RNF169: variants seen among roughly 807,000 people sequenced by gnomAD.
RNF169 encodes the protein E3 ubiquitin-protein ligase RNF169.
A neutral mutation model predicts 53.9 loss-of-function variants in RNF169; 24 were observed. The ratio of observed to expected loss-of-function variants is 0.45; its 90% CI spans 0.32 to 0.63. RNF169 has a LOEUF of 0.63. Ranked by LOEUF, RNF169 falls within the 20% of genes least tolerant of loss-of-function variation. The probability of loss-of-function intolerance (pLI) is 0.04; values close to 1 mark genes in which losing one functional copy is unlikely to be tolerated. For synonymous variants in RNF169, 396 were observed against 363.5 expected (o/e 1.09, Z -1.02); for missense variants, 883 against 906.2 (o/e 0.97, Z 0.33).
At chr11:74,790,930 G>A (rs2035569903) in intron 2 of RNF169, among the ~76,000 whole-genome samples, 1 of 152,216 alleles carries the variant, frequency 6.6e-6, no homozygotes, top group African/African-American at 2.4e-5. Flanking sequence ...CCACAACATG[G>A]TGAGTGAGGG....
At chr11:74,803,545 G>A (rs2035763592) in intron 2 of RNF169, among the ~76,000 whole-genome samples, 1 of 152,154 alleles carries the variant, frequency 6.6e-6, no homozygotes. Flanking sequence ...AGTACTAACA[G>A]GGAATATACA....
intron 5 of RNF169, 31 bp downstream of exon 5, chr11:74,834,806 G>T: frequency 6.6e-7 from 1 of 1,506,330 alleles, no homozygotes; most frequent in Non-Finnish European, 9.2e-7. Flanking sequence ...TCCGGGGCTT[G>T]TGAGGCTTGC....
chr11:74,786,632 C>T (rs1439282062), intron 1 of RNF169, among the ~76,000 whole-genome samples: 1 of 152,166 alleles, frequency 6.6e-6, no homozygotes, highest in African/African-American at 2.4e-5. Context: ...AGAATGCTGT[C>T]CCACCAGTAC....
At chr11:74,824,430 A>C (rs534362742) in intron 4 of RNF169, among the ~76,000 whole-genome samples, 1 of 152,332 alleles carries the variant, frequency 6.6e-6, no homozygotes, top group East Asian at 1.9e-4. Context: ...ATGAGAGAGA[A>C]AGGGGCAGAA....
At chr11:74,810,022 A>G (rs1402376066) in intron 2 of RNF169, among the ~76,000 whole-genome samples, 162 bp from the exon 3 acceptor site, 1 of 152,262 alleles carries the variant, frequency 6.6e-6, no homozygotes, top group African/African-American at 2.4e-5. Flanking sequence ...GAGCCAAGTA[A>G]AAGTAGATTT....
At chr11:74,820,773 C>T (rs1174045140) in intron 4 of RNF169, among the ~76,000 whole-genome samples, 4 of 152,130 alleles carry the variant, frequency 2.6e-5, no homozygotes, top group East Asian at 1.9e-4. Flanking sequence ...GTGGTAGAAG[C>T]GTCAGTAATA....
At chr11:74,801,705 G>A (rs1232764328) in intron 2 of RNF169, among the ~76,000 whole-genome samples, 1 of 152,186 alleles carries the variant, frequency 6.6e-6, no homozygotes, top group Non-Finnish European at 1.5e-5. Context: ...CCGGCTACTC[G>A]GGAGGCTGAT....
At chr11:74,789,897 T>G (rs2035556301) in intron 2 of RNF169, among the ~76,000 whole-genome samples, 198 bp downstream of exon 2, 1 of 152,206 alleles carries the variant, frequency 6.6e-6, no homozygotes, top group Non-Finnish European at 1.5e-5. Flanking sequence ...CCCTTTTTAG[T>G]TGTCTTTTCA....
chr11:74,757,045 G>A (rs1353152200), intron 1 of RNF169, among the ~76,000 whole-genome samples: 2 of 147,590 alleles, frequency 1.4e-5, no homozygotes, highest in Non-Finnish European at 3.0e-5. Context: ...TGTGCACATT[G>A]TGCAGGTTAG....
At chr11:74,823,588 T>G (rs1464065349) in intron 4 of RNF169, among the ~76,000 whole-genome samples, 1 of 151,722 alleles carries the variant, frequency 6.6e-6, no homozygotes, top group African/African-American at 2.4e-5. Flanking sequence ...ATTTTAAAAA[T>G]CAGCCGAGCA....
chr11:74,759,924 T>A (rs2035052370), intron 1 of RNF169, among the ~76,000 whole-genome samples: 2 of 151,220 alleles, frequency 1.3e-5, no homozygotes, highest in African/African-American at 4.9e-5. Flanking sequence ...AATTCGGCTG[T>A]GAATCCATCT....
At chr11:74,795,840 G>T (rs1213535171) in intron 2 of RNF169, among the ~76,000 whole-genome samples, 1 of 152,154 alleles carries the variant, frequency 6.6e-6, no homozygotes. Flanking sequence ...CTGGGTGACA[G>T]AGTAAGACTC....
intron 1 of RNF169, among the ~76,000 whole-genome samples, chr11:74,771,426 C>T (rs952256809): frequency 3.3e-5 from 5 of 152,238 alleles, no homozygotes; most frequent in Admixed American, 1.3e-4. Context: ...ATTAACTGGT[C>T]GCTATTATGG....
chr11:74,800,484 C>A (rs1000579618), intron 2 of RNF169, among the ~76,000 whole-genome samples: 1 of 152,130 alleles, frequency 6.6e-6, no homozygotes, highest in African/African-American at 2.4e-5. Flanking sequence ...TTTGGGCGAG[C>A]TATTTGAGTT....
intron 4 of RNF169, among the ~76,000 whole-genome samples, chr11:74,834,252 T>C (rs778211436): frequency 7.2e-5 from 11 of 152,228 alleles, no homozygotes; most frequent in Non-Finnish European, 1.5e-4. Flanking sequence ...TGCACTGCTG[T>C]GCATTTTTGT....
intron 4 of RNF169, among the ~76,000 whole-genome samples, chr11:74,820,654 G>A (rs778166804): frequency 6.6e-6 from 1 of 152,146 alleles, no homozygotes; most frequent in South Asian, 2.1e-4. Context: ...AACAAGTCAA[G>A]TGTTTACCAG....
In RNF169 at chr11:74,839,888, A is replaced by T. The variant is rs965884103; in HGVS notation, c.*3158A>T. 1 of 152,202 alleles carries T rather than the reference A, an allele frequency of 6.6e-6. No homozygotes were observed. The highest frequency in any genetic ancestry group is 6.5e-5 in the Admixed American group (1 of 15,280). 9.4% of individuals were successfully genotyped at this position (152,202 alleles called of 1,614,324 possible). A position where few individuals can be genotyped will look rare whatever the true frequency, so the allele number is the denominator to read the frequency against. On this transcript the variant is annotated 3_prime_UTR_variant, in exon 6 of 6. Coordinates refer to ENST00000299563, the MANE Select transcript of RNF169 (RefSeq NM_001098638.2). ...ATTTGCCTCTTTTTAAAAAAGGTTA[A>T]GTCTTCTTGGGTGAGGCTTGCCAGG...
chr11:74,752,790 A>G (rs2135300385), intron 1 of RNF169, among the ~76,000 whole-genome samples: 1 of 152,154 alleles, frequency 6.6e-6, no homozygotes, highest in South Asian at 2.1e-4. Context: ...ATGGAATTTT[A>G]CTGAGTGGAT....
At chr11:74,776,672 G>T (rs1489414939) in intron 1 of RNF169, among the ~76,000 whole-genome samples, 1 of 152,202 alleles carries the variant, frequency 6.6e-6, no homozygotes, top group African/African-American at 2.4e-5. Flanking sequence ...AGAATGCCAT[G>T]AGGGCCTACA....
Sources: allele counts gnomAD v4.1 joint callset (sites outside exome capture counted in the v4.1 genomes callset), GRCh38; gene constraint gnomAD v4.1.1; transcripts MANE v1.5; gene names NCBI Gene and HGNC (gene_info 2026-07-23, HGNC 2026-07-21).